KLHL15: variants seen among roughly 807,000 people sequenced by gnomAD.
KLHL15 encodes kelch-like protein 15.
KLHL15 carries 1 observed loss-of-function variant against 29.3 expected under a neutral mutation model. The observed-to-expected ratio is 0.03, with a 90% CI of 0.01 to 0.16. KLHL15 has a LOEUF of 0.16. Ranked by LOEUF, KLHL15 falls within the 10% of genes least tolerant of loss-of-function variation. The probability of loss-of-function intolerance (pLI) is 1.00; values close to 1 mark genes in which losing one functional copy is unlikely to be tolerated. For missense variants in KLHL15, 215 were observed against 478.5 expected (o/e 0.45, Z 5.14); for synonymous variants, 212 against 184.5 (o/e 1.15, Z -1.21).
intron 3 of KLHL15, among the ~76,000 whole-genome samples, chrX:23,990,506 A>C (rs1201106320): frequency 1.8e-5 from 2 of 112,170 alleles, no homozygotes; most frequent in Admixed American, 9.5e-5. Flanking sequence ...GATAGCGTAG[A>C]GATAACATCT....
At chrX:24,023,701 A>G (rs921430007) in intron 2 of KLHL15, among the ~76,000 whole-genome samples, 3 of 112,403 alleles carry the variant, frequency 2.7e-5, no homozygotes, top group Non-Finnish European at 5.6e-5. Context: ...ATCAGCAATG[A>G]AGAGTGCAAG....
intron 2 of KLHL15, 42 bp downstream of exon 2, chrX:24,024,815 A>C: frequency 3.4e-6 from 1 of 291,793 alleles, no homozygotes; most frequent in Non-Finnish European, 6.0e-6. Flanking sequence ...CCGCGGGCGA[A>C]GCCCGGGCTC....
Position 23,989,168 on chromosome X carries a change from G to C in KLHL15, c.706-138C>G, listed in dbSNP as rs190149345. ...CTGCTAAGATCACCTACTTTCTTTT[G>C]TTTTCTACAAAGCTTTTAAAAAATC... On this transcript the variant is annotated intron_variant, in intron 3 of 3. Coordinates refer to ENST00000328046, the MANE Select transcript of KLHL15 (RefSeq NM_030624.3). 499 of 460,031 alleles carry C rather than the reference G, an allele frequency of 1.1e-3. No homozygotes were observed. The African/African-American group carries it at 0.012, about 11-fold the overall frequency. The allele number at this position is 460,031 out of a possible 1,213,427, so 37.9% of individuals were successfully genotyped here. A position where few individuals can be genotyped will look rare whatever the true frequency, so the allele number is the denominator to read the frequency against.
intron 2 of KLHL15, among the ~76,000 whole-genome samples, chrX:24,008,519 G>GT (rs775864785): frequency 8.9e-6 from 1 of 112,352 alleles, no homozygotes; most frequent in East Asian, 2.8e-4. Flanking sequence ...GGTTACAGGC[G>GT]TGAGCCACTG....
rs774522260 is a variant in KLHL15 at position 23,988,763 on chromosome X, C to T, written c.973G>A (p.Val325Ile). ...CCTAACAGGAACACAAAATTATTGA[C>T]GATAGCAAGGCAGTCAGGTCGCAGA... ...VPLRPDCLAI[V>I]NNFVFLLGGE... Residue 325 changes from valine to isoleucine, a missense_variant, in exon 4 of 4, where the codon GTC (valine) becomes ATC (isoleucine). Coordinates refer to ENST00000328046, the MANE Select transcript of KLHL15 (RefSeq NM_030624.3). 14 of 1,210,052 alleles carry T rather than the reference C, an allele frequency of 1.2e-5. No individual in the cohort carries two copies. The highest frequency in any genetic ancestry group is 7.0e-5 in the South Asian group (4 of 56,826).
chrX:24,000,979 C>T (rs1440974801), intron 3 of KLHL15, among the ~76,000 whole-genome samples: 1 of 112,155 alleles, frequency 8.9e-6, no homozygotes, highest in African/African-American at 3.2e-5. Context: ...CAATTTCACC[C>T]GGCCCAAAGT....
chrX:23,999,925 T>C (rs1034073728), intron 3 of KLHL15, among the ~76,000 whole-genome samples: 5 of 111,830 alleles, frequency 4.5e-5, no homozygotes, highest in African/African-American at 1.6e-4. Flanking sequence ...GGAGGAAGGG[T>C]TGGCAAAAAG....
rs1444881629 is a variant in KLHL15 at position 24,025,361 on chromosome X, G to A, written c.-209-303C>T. Among the ~76,000 whole-genome samples the A allele has an allele frequency of 7.4e-5, 8 of 107,984 alleles. No individual in the cohort carries two copies. In the East Asian group the frequency reaches 1.8e-3, roughly 24 times the overall value. The allele number at this position is 107,984 out of a possible 115,157, so 93.8% of individuals were successfully genotyped here. ...GGAAGGCGGGAAAGGGGCGGGGAAG[G>A]GGCGGGGCGTGCGGGGCCACGAGCC... is the stretch of plus-strand genomic sequence containing the variant. On this transcript the variant is annotated intron_variant, in intron 1 of 3. Coordinates refer to ENST00000328046, the MANE Select transcript of KLHL15 (RefSeq NM_030624.3).
chrX:23,998,135 G>T (rs773010974), intron 3 of KLHL15, among the ~76,000 whole-genome samples: 1 of 110,679 alleles, frequency 9.0e-6, no homozygotes, highest in Non-Finnish European at 1.9e-5. Flanking sequence ...GCTAATTTTT[G>T]TATTTTTAGT....
intron 3 of KLHL15, among the ~76,000 whole-genome samples, chrX:24,005,195 T>G (rs1929422151): frequency 8.9e-6 from 1 of 111,923 alleles, no homozygotes; most frequent in Non-Finnish European, 1.9e-5. Context: ...CTATGACCTT[T>G]GGGCAAGAAA....
intron 2 of KLHL15, among the ~76,000 whole-genome samples, chrX:24,011,220 G>A (rs1334810743): frequency 9.5e-6 from 1 of 105,302 alleles, no homozygotes; most frequent in Non-Finnish European, 2.0e-5. Flanking sequence ...TAATAAATAA[G>A]AAAAGGCAGG....
At chrX:24,002,383 A>G (rs1007870623) in intron 3 of KLHL15, among the ~76,000 whole-genome samples, 4 of 111,680 alleles carry the variant, frequency 3.6e-5, no homozygotes, top group African/African-American at 6.5e-5. Flanking sequence ...AGACATTTGC[A>G]TAAGTAAAAA....
chrX:24,022,341 T>TAAA (rs1354214505), intron 2 of KLHL15, among the ~76,000 whole-genome samples: 29 of 41,093 alleles, frequency 7.1e-4, no homozygotes, highest in African/African-American at 2.1e-3. Flanking sequence ...TCTCAAAAGA[T>TAAA]AAAAAAAAAA....
chrX:24,024,910 CG>C lies in KLHL15; in HGVS notation c.-62del. On this transcript the variant is annotated 5_prime_UTR_variant, in exon 2 of 4. Coordinates refer to ENST00000328046, the MANE Select transcript of KLHL15 (RefSeq NM_030624.3). ...GACGGCAGTCTGCATCAGGAAGAAC[CG>C]GGCCAGCGGGCCGATGGGTGGGCGG... The C allele has an allele frequency of 3.4e-6, 1 of 297,477 alleles. No individual in the cohort carries two copies. Among genetic ancestry groups the C allele is most frequent in the Non-Finnish European group, 5.9e-6 (1 of 170,068 alleles). The allele number at this position is 297,477 out of a possible 1,213,427, so 24.5% of individuals were successfully genotyped here.
intron 3 of KLHL15, among the ~76,000 whole-genome samples, chrX:23,996,822 A>C (rs1929199898): frequency 8.9e-6 from 1 of 112,192 alleles, no homozygotes; most frequent in Non-Finnish European, 1.9e-5. Context: ...ACTAAAGCTT[A>C]TATTGATTTA....
In KLHL15 at chrX:23,987,834, G is replaced by T; in HGVS notation, c.*87C>A. On this transcript the variant is annotated 3_prime_UTR_variant, in exon 4 of 4. Coordinates refer to ENST00000328046, the MANE Select transcript of KLHL15 (RefSeq NM_030624.3). ...GACCAATGGCTTTGATAGTAAAACT[G>T]GTGAGGTTTTTCTTTATATGTTTTA... 2.3e-6 allele frequency: 2 copies of T among 874,079 alleles called. No homozygotes were observed. The highest frequency in any genetic ancestry group is 3.2e-6 in the Non-Finnish European group (2 of 624,791). 72.0% of individuals were successfully genotyped at this position (874,079 alleles called of 1,213,427 possible). A position where few individuals can be genotyped will look rare whatever the true frequency, so the allele number is the denominator to read the frequency against.
At chrX:24,016,666 C>CA (rs200783185) in intron 2 of KLHL15, among the ~76,000 whole-genome samples, 18,979 of 105,865 alleles carry the variant, frequency 0.18, 1,465 homozygotes, top group South Asian at 0.52. Flanking sequence ...GATCATGTCT[C>CA]AAAAAAAAAA....
At chrX:24,000,023 C>T (rs1462764943) in intron 3 of KLHL15, among the ~76,000 whole-genome samples, 3 of 111,912 alleles carry the variant, frequency 2.7e-5, no homozygotes, top group Non-Finnish European at 5.6e-5. Context: ...CTGCTCATCT[C>T]TATGCTTTCA....
intron 2 of KLHL15, among the ~76,000 whole-genome samples, chrX:24,011,512 C>T (rs774301148): frequency 8.9e-5 from 10 of 112,265 alleles, no homozygotes; most frequent in South Asian, 7.3e-4. Context: ...AGCATGGTGG[C>T]GCATGCCTGT....
Sources: allele counts gnomAD v4.1 joint callset (sites outside exome capture counted in the v4.1 genomes callset), GRCh38; gene constraint gnomAD v4.1.1; transcripts MANE v1.5; gene names NCBI Gene and HGNC (gene_info 2026-07-23, HGNC 2026-07-21).